UBE2Z: variants seen among roughly 807,000 people sequenced by gnomAD.
UBE2Z encodes the protein ubiquitin-conjugating enzyme E2 Z.
Under a neutral mutation model 32.6 loss-of-function variants are expected in UBE2Z, and 10 were observed. That is an observed-to-expected ratio of 0.31 (90% CI 0.19 to 0.52). The LOEUF is 0.52. UBE2Z is among the 20% of genes least tolerant of loss of function. UBE2Z has a pLI of 0.97. For missense variants in UBE2Z, 343 were observed against 480.9 expected, an observed-to-expected ratio of 0.71 and a Z score of 2.68; for synonymous variants, 183 against 190.8, an observed-to-expected ratio of 0.96 and a Z score of 0.34.
intron 2 of UBE2Z, chr17:48,912,063 T>A (rs1304329649): frequency 6.6e-6 from 1 of 151,650 alleles, no homozygotes; most frequent in Admixed American, 6.6e-5. Flanking sequence ...GATTTTTTTT[T>A]TTTTTTTTTT....
intron 3 of UBE2Z, chr17:48,915,581 A>G (rs1321086143): frequency 3.2e-5 from 5 of 155,328 alleles, no homozygotes; most frequent in Admixed American, 2.6e-4. Flanking sequence ...AGAATTTGAC[A>G]CTCCTTGGGG....
At chr17:48,918,716 C>T (rs983700949) in intron 4 of UBE2Z, among the ~76,000 whole-genome samples, 18 of 149,956 alleles carry the variant, frequency 1.2e-4, no homozygotes, top group African/African-American at 4.4e-4. Flanking sequence ...AAATAGACCT[C>T]ATTAGCAGGA....
At chr17:48,914,841 C>T (rs1484495542) in intron 3 of UBE2Z, among the ~76,000 whole-genome samples, 4 of 151,866 alleles carry the variant, frequency 2.6e-5, no homozygotes, top group South Asian at 2.1e-4. Context: ...CCTAGCCTGG[C>T]GAAACCCCGT....
chr17:48,909,776 C>T (rs1244572111), intron 1 of UBE2Z, among the ~76,000 whole-genome samples: 2 of 152,054 alleles, frequency 1.3e-5, no homozygotes, highest in African/African-American at 2.4e-5. Flanking sequence ...TGACTTCTCC[C>T]CATGCCCCCA....
intron 3 of UBE2Z, among the ~76,000 whole-genome samples, chr17:48,914,434 T>C (rs1350600374): frequency 6.6e-6 from 1 of 152,254 alleles, no homozygotes; most frequent in African/African-American, 2.4e-5. Context: ...ATTTTGGCAG[T>C]GAAGAAGTCT....
Position 48,926,972 on chromosome 17 carries a change from T to C in UBE2Z, c.903T>C (p.Phe301=), listed in dbSNP as rs376224551. ...GTCTCCTTTCCCCACAGGACCCTTT[T>C]GGAGAGAAGCGGGGCCACTTTGACT... ...HLQGQTMQDP[F]GEKRGHFDYQ... Residue 301 remains phenylalanine, a synonymous_variant, in exon 7 of 7, where the codon TTT becomes TTC. Coordinates refer to ENST00000360943, the MANE Select transcript of UBE2Z (RefSeq NM_023079.5). 1.9e-4 allele frequency: 299 copies of C among 1,612,668 alleles called. No homozygotes were observed. The highest frequency in any genetic ancestry group is 2.4e-4 in the Non-Finnish European group (284 of 1,179,636).
At chr17:48,926,727 C>A (rs985389952) in intron 6 of UBE2Z, among the ~76,000 whole-genome samples, 1 of 152,104 alleles carries the variant, frequency 6.6e-6, no homozygotes, top group Non-Finnish European at 1.5e-5. Flanking sequence ...GTGATCCGCC[C>A]GCCTCGGCCG....
chr17:48,917,234 G>C (rs1368048924), intron 4 of UBE2Z, among the ~76,000 whole-genome samples: 1 of 152,124 alleles, frequency 6.6e-6, no homozygotes, highest in African/African-American at 2.4e-5. Context: ...GAACCCAGGT[G>C]GTGGAGCTTA....
chr17:48,926,869 G>A (rs2040802141), intron 6 of UBE2Z, 95 bp from the exon 7 acceptor site: 2 of 1,378,612 alleles, frequency 1.5e-6, no homozygotes, highest in Non-Finnish European at 2.0e-6. Context: ...TGGCTCAGAA[G>A]TTGAGCTTTC....
chr17:48,919,734 T>C (rs1417487469), intron 4 of UBE2Z, among the ~76,000 whole-genome samples: 1 of 148,312 alleles, frequency 6.7e-6, no homozygotes, highest in Admixed American at 8.6e-5. Flanking sequence ...TGCATCGGCT[T>C]CCCAAAGTGT....
chr17:48,923,131 C>T (rs1007627560), intron 6 of UBE2Z, 194 bp downstream of exon 6: 13 of 452,694 alleles, frequency 2.9e-5, no homozygotes, highest in South Asian at 5.7e-5. Flanking sequence ...ACCATCCTGG[C>T]TAACACGGTG....
intron 2 of UBE2Z, chr17:48,912,037 C>T (rs1035768100): frequency 4.1e-5 from 6 of 146,350 alleles, no homozygotes; most frequent in African/African-American, 1.3e-4. Context: ...AATTTAGTGT[C>T]GTTTTCAGGA....
At chr17:48,922,678 A>G (rs762849573) in intron 5 of UBE2Z, among the ~76,000 whole-genome samples, 169 bp from the exon 6 acceptor site, 11 of 151,712 alleles carry the variant, frequency 7.3e-5, no homozygotes, top group Non-Finnish European at 1.6e-4. Flanking sequence ...GAGGCAGGAG[A>G]ATTGCATGAA....
chr17:48,923,041 C>A (rs1320027892), intron 6 of UBE2Z, 104 bp downstream of exon 6: 1 of 1,102,232 alleles, frequency 9.1e-7, no homozygotes, highest in Non-Finnish European at 1.3e-6. Flanking sequence ...CACAGCTAAG[C>A]CTGGGTTCAG....
chr17:48,913,587 T>C (rs2040696954), intron 3 of UBE2Z, among the ~76,000 whole-genome samples: 1 of 152,180 alleles, frequency 6.6e-6, no homozygotes, highest in South Asian at 2.1e-4. Flanking sequence ...TCTCTTGACC[T>C]CATCATCCAC....
At chr17:48,920,601 A>C (rs1024668809) in intron 4 of UBE2Z, among the ~76,000 whole-genome samples, 4 of 151,864 alleles carry the variant, frequency 2.6e-5, no homozygotes, top group African/African-American at 9.7e-5. Context: ...AGAGCCCAGG[A>C]GTTTGAGGAT....
chr17:48,920,369 G>A lies in UBE2Z; in HGVS notation c.691-791G>A, dbSNP rs367617065. Among the ~76,000 whole-genome samples the A allele has an allele frequency of 3.6e-4, 55 of 152,212 alleles. 3 individuals are homozygous for A. The highest frequency in any genetic ancestry group is 1.2e-3 in the African/African-American group (50 of 41,530). On this transcript the variant is annotated intron_variant, in intron 4 of 6. Coordinates refer to ENST00000360943, the MANE Select transcript of UBE2Z (RefSeq NM_023079.5). ...AAACTAGCTGGGCGTGGTGACAGGCGCCTGTAATCCCAGCTACTTGGAAGG... is the reference window on the plus strand; with the variant it reads ...AAACTAGCTGGGCGTGGTGACAGGCACCTGTAATCCCAGCTACTTGGAAGG...
chr17:48,921,777 C>G (rs1003943100), intron 5 of UBE2Z, among the ~76,000 whole-genome samples: 1 of 152,116 alleles, frequency 6.6e-6, no homozygotes, highest in African/African-American at 2.4e-5. Flanking sequence ...GCCTGTAATC[C>G]TAGTACTTTG....
rs1010737727 is a variant in UBE2Z at position 48,916,079 on chromosome 17, A to C, written c.582A>C (p.Thr194=). 19 of 1,589,078 alleles carry C rather than the reference A, an allele frequency of 1.2e-5. No homozygotes were observed. The highest frequency in any genetic ancestry group is 1.6e-5 in the Non-Finnish European group (19 of 1,170,910). ...ATTCCTTCTGATGTGTTTACAGTAC[A>C]TGGACTGGACCTGCCTGGAGCCCAG... The part of the protein sequence containing the change: ...NGKVCLSILG[T]WTGPAWSPAQ... The change falls in exon 4 of 7, where the codon ACA becomes ACC. Residue 194 remains threonine, a synonymous_variant. Transcript: ENST00000360943.
Sources: gnomAD v4.1 joint callset for allele counts (sites outside exome capture counted in the v4.1 genomes callset) on GRCh38, gnomAD v4.1.1 for gene constraint, MANE v1.5 for transcripts, NCBI Gene and HGNC (gene_info 2026-07-23, HGNC 2026-07-21) for gene names.